CNTN6: variants seen among roughly 807,000 people sequenced by gnomAD.
CNTN6 encodes contactin 6.
A neutral mutation model predicts 122.8 loss-of-function variants in CNTN6; 137 were observed. The observed-to-expected ratio is 1.12, with a 90% CI of 0.97 to 1.29. The LOEUF is 1.29. CNTN6 is among the 50% of genes most tolerant of loss of function. The probability of loss-of-function intolerance (pLI) is 0.00; values close to 1 mark genes in which losing one functional copy is unlikely to be tolerated. For missense variants in CNTN6, 1,634 were observed against 1,223.4 expected (o/e 1.34, Z -5.01); for synonymous variants, 570 against 426.0 (o/e 1.34, Z -4.16).
At chr3:1,185,340 AG>A in intron 2 of CNTN6, among the ~76,000 whole-genome samples, 1 of 152,318 alleles carries the variant, frequency 6.6e-6, no homozygotes, top group East Asian at 1.9e-4. Context: ...TATTTAAAAA[AG>A]ATGTTTCTAA....
At chr3:1,317,792 G>A (rs1700297815) in intron 7 of CNTN6, among the ~76,000 whole-genome samples, 1 of 150,980 alleles carries the variant, frequency 6.6e-6, no homozygotes, top group African/African-American at 2.4e-5. Flanking sequence ...GGCAAGACCT[G>A]AATTATGTGC....
chr3:1,383,706 G>T (rs1692302718), intron 19 of CNTN6, among the ~76,000 whole-genome samples: 1 of 152,186 alleles, frequency 6.6e-6, no homozygotes, highest in Non-Finnish European at 1.5e-5. Flanking sequence ...TTACAGTTTT[G>T]AAATTGCTTC....
intron 2 of CNTN6, among the ~76,000 whole-genome samples, chr3:1,157,779 G>T (rs1279264157): frequency 6.6e-6 from 1 of 152,026 alleles, no homozygotes; most frequent in East Asian, 1.9e-4. Context: ...GCCTGACTTA[G>T]CTTAATGACC....
rs544605360 is a variant in CNTN6, at chr3:1,404,208, G to A, written c.*790G>A. On this transcript the variant is annotated 3_prime_UTR_variant, in exon 23 of 23. Coordinates refer to ENST00000446702, the MANE Select transcript of CNTN6 (RefSeq NM_001289080.2). ...CCTTATTTTTATAATAAAACAATGTGGAAACAGAATTATTTGATCAAGTTT... is the reference window on the plus strand; with the variant it reads ...CCTTATTTTTATAATAAAACAATGTAGAAACAGAATTATTTGATCAAGTTT... The A allele has an allele frequency of 1.3e-5, 2 of 152,086 alleles. No individual in the cohort carries two copies. Among genetic ancestry groups the A allele is most frequent in the Admixed American group, 1.3e-4 (2 of 15,256 alleles). The allele number at this position is 152,086 out of a possible 1,614,324, so 9.4% of individuals were successfully genotyped here.
chr3:1,273,278 A>G (rs2095055881), intron 4 of CNTN6, among the ~76,000 whole-genome samples: 1 of 152,202 alleles, frequency 6.6e-6, no homozygotes, highest in South Asian at 2.1e-4. Flanking sequence ...AATATTATAG[A>G]ATTTGAGACC....
At chr3:1,273,949 A>G (rs1279544701) in intron 4 of CNTN6, among the ~76,000 whole-genome samples, 2 of 152,198 alleles carry the variant, frequency 1.3e-5, no homozygotes, top group East Asian at 3.9e-4. Flanking sequence ...AGCACTGACA[A>G]TGTGACACTG....
intron 2 of CNTN6, among the ~76,000 whole-genome samples, chr3:1,168,850 A>G (rs9856683): frequency 0.062 from 9,518 of 152,296 alleles, 964 homozygotes; most frequent in African/African-American, 0.21. Context: ...TGGTCTAACA[A>G]CAGTGATGCT....
intron 2 of CNTN6, among the ~76,000 whole-genome samples, chr3:1,166,078 G>A (rs1014077382): frequency 6.6e-6 from 1 of 152,190 alleles, no homozygotes; most frequent in African/African-American, 2.4e-5. Flanking sequence ...AACATTCAGT[G>A]CTCATTTCTC....
intron 20 of CNTN6, among the ~76,000 whole-genome samples, chr3:1,400,298 G>A (rs1033460335): frequency 6.6e-6 from 1 of 152,022 alleles, no homozygotes; most frequent in African/African-American, 2.4e-5. Flanking sequence ...GCAGCAAGTT[G>A]TTCTGCAGAA....
chr3:1,347,202 C>T (rs1040987005), intron 11 of CNTN6, among the ~76,000 whole-genome samples: 1 of 152,018 alleles, frequency 6.6e-6, no homozygotes, highest in Admixed American at 6.6e-5. Context: ...AATACAAACG[C>T]TATTAATTTT....
At chr3:1,366,505 G>A (rs564092898) in intron 12 of CNTN6, among the ~76,000 whole-genome samples, 2 of 152,274 alleles carry the variant, frequency 1.3e-5, no homozygotes, top group African/African-American at 4.8e-5. Flanking sequence ...AGATGCTTGA[G>A]TTTCTTAAGA....
chr3:1,288,303 C>A (rs560623777), intron 5 of CNTN6, among the ~76,000 whole-genome samples: 3 of 142,438 alleles, frequency 2.1e-5, no homozygotes, highest in African/African-American at 7.9e-5. Context: ...AATTGTGGAA[C>A]GAATGGGAAT....
chr3:1,216,601 G>C (rs193224915), intron 2 of CNTN6, among the ~76,000 whole-genome samples: 1 of 152,128 alleles, frequency 6.6e-6, no homozygotes. Flanking sequence ...ATATGACATA[G>C]CATCCTCCTT....
At chr3:1,326,792 A>G (rs265779) in intron 9 of CNTN6, among the ~76,000 whole-genome samples, 19,706 of 151,872 alleles carry the variant, frequency 0.13, 1,456 homozygotes, top group African/African-American at 0.2. Flanking sequence ...CCTTTTGCAT[A>G]TAGCATTCTG....
intron 4 of CNTN6, among the ~76,000 whole-genome samples, chr3:1,236,896 T>C (rs1153549): frequency 1.3e-5 from 2 of 152,088 alleles, no homozygotes; most frequent in East Asian, 1.9e-4. Context: ...CTGGCTAACA[T>C]GGTGAAACCC....
chr3:1,308,776 C>T (rs556942430), intron 7 of CNTN6, among the ~76,000 whole-genome samples: 1 of 151,960 alleles, frequency 6.6e-6, no homozygotes, highest in African/African-American at 2.4e-5. Context: ...TTAATCTACA[C>T]CAGCATTTGA....
At chr3:1,235,029 A>T (rs2125581611) in intron 4 of CNTN6, among the ~76,000 whole-genome samples, 1 of 152,348 alleles carries the variant, frequency 6.6e-6, no homozygotes, top group Non-Finnish European at 1.5e-5. Flanking sequence ...TCAATGCTTT[A>T]GCCTCATTTT....
intron 4 of CNTN6, among the ~76,000 whole-genome samples, chr3:1,269,663 T>C (rs1031718752): frequency 2.6e-5 from 4 of 152,198 alleles, no homozygotes; most frequent in Non-Finnish European, 4.4e-5. Context: ...CATAGACCAA[T>C]TACCTAATTG....
At chr3:1,268,382 C>T (rs1040496762) in intron 4 of CNTN6, among the ~76,000 whole-genome samples, 11 of 151,876 alleles carry the variant, frequency 7.2e-5, no homozygotes, top group African/African-American at 1.9e-4. Context: ...CCGAGGCGGG[C>T]GGATCACGAG....
Sources: gnomAD v4.1 joint callset for allele counts (sites outside exome capture counted in the v4.1 genomes callset) on GRCh38, gnomAD v4.1.1 for gene constraint, MANE v1.5 for transcripts, NCBI Gene and HGNC (gene_info 2026-07-23, HGNC 2026-07-21) for gene names.